PTPRM: variants seen among roughly 807,000 people sequenced by gnomAD.
The protein encoded by PTPRM is receptor-type tyrosine-protein phosphatase mu.
Under a neutral mutation model 186.7 loss-of-function variants are expected in PTPRM, and 47 were observed. The ratio of observed to expected loss-of-function variants is 0.25; its 90% confidence interval spans 0.20 to 0.32. The LOEUF (loss-of-function observed/expected upper bound fraction) is 0.32. Among genes scored for constraint, PTPRM ranks in the 10% least tolerant of loss-of-function variants. The probability of loss-of-function intolerance (pLI) is 1.00; values close to 1 mark genes in which losing one functional copy is unlikely to be tolerated. For synonymous variants in PTPRM, 668 were observed against 674.9 expected (o/e 0.99, Z 0.16); for missense variants, 1,494 against 1,865.0 (o/e 0.80, Z 3.66).
At chr18:7,940,316 A>G (rs2052087273) in intron 5 of PTPRM, among the ~76,000 whole-genome samples, 1 of 152,214 alleles carries the variant, frequency 6.6e-6, no homozygotes, top group Non-Finnish European at 1.5e-5. Context: ...CTTGTATTCT[A>G]GTAGGGGAGA....
At chr18:7,959,773 A>G (rs1465123325) in intron 7 of PTPRM, among the ~76,000 whole-genome samples, 1 of 152,210 alleles carries the variant, frequency 6.6e-6, no homozygotes, top group Admixed American at 6.5e-5. Context: ...TTATCTGTAA[A>G]GACATTTTTC....
At chr18:8,030,207 C>G (rs2085872586) in intron 7 of PTPRM, among the ~76,000 whole-genome samples, 1 of 152,224 alleles carries the variant, frequency 6.6e-6, no homozygotes, top group African/African-American at 2.4e-5. Flanking sequence ...AGATTACATT[C>G]ATGCCTACCA....
chr18:8,128,070 T>A (rs1023917028), intron 13 of PTPRM, among the ~76,000 whole-genome samples: 3 of 152,156 alleles, frequency 2.0e-5, no homozygotes, highest in African/African-American at 7.2e-5. Flanking sequence ...ATTTTCAGTG[T>A]CAGAAGCTTC....
At chr18:7,613,011 G>A (rs1014244935) in intron 1 of PTPRM, among the ~76,000 whole-genome samples, 8 of 152,082 alleles carry the variant, frequency 5.3e-5, no homozygotes, top group Non-Finnish European at 7.3e-5. Context: ...AACAGAAATC[G>A]CCCTCTTACC....
chr18:8,007,398 C>T (rs1568174056), intron 7 of PTPRM, among the ~76,000 whole-genome samples: 1 of 152,072 alleles, frequency 6.6e-6, no homozygotes, highest in Non-Finnish European at 1.5e-5. Context: ...TAAAGCAATC[C>T]AGAGGAGCCT....
chr18:7,591,427 C>T (rs895392170), intron 1 of PTPRM, among the ~76,000 whole-genome samples: 12 of 152,058 alleles, frequency 7.9e-5, no homozygotes, highest in Admixed American at 1.3e-4. Flanking sequence ...GTCTGGGCCA[C>T]TAATTGATAT....
chr18:8,207,718 G>T (rs2093950103), intron 14 of PTPRM, among the ~76,000 whole-genome samples: 2 of 152,252 alleles, frequency 1.3e-5, no homozygotes, highest in East Asian at 1.9e-4. Context: ...CAATGAAAAT[G>T]AATTATTTTT....
intron 13 of PTPRM, 128 bp downstream of exon 13, chr18:8,114,955 AT>A: frequency 1.5e-6 from 1 of 674,142 alleles, no homozygotes; most frequent in Non-Finnish European, 2.5e-6. Flanking sequence ...ATACATATAT[AT>A]ATATGCATGA....
chr18:7,736,401 C>T (rs577753572), intron 1 of PTPRM, among the ~76,000 whole-genome samples: 2 of 152,220 alleles, frequency 1.3e-5, no homozygotes, highest in South Asian at 4.1e-4. Flanking sequence ...CTCACTGCAA[C>T]CTCCGCCTTC....
chr18:7,765,935 T>C (rs1299716084), intron 1 of PTPRM, among the ~76,000 whole-genome samples: 1 of 152,226 alleles, frequency 6.6e-6, no homozygotes, highest in African/African-American at 2.4e-5. Context: ...TGCTAGTGTA[T>C]GTAAGTCAAT....
At chr18:7,781,873 T>C (rs2042872983) in intron 2 of PTPRM, among the ~76,000 whole-genome samples, 3 of 152,202 alleles carry the variant, frequency 2.0e-5, no homozygotes, top group Admixed American at 6.5e-5. Context: ...GTTACTCTCC[T>C]TCCTTGAATA....
chr18:8,282,629 T>C (rs1392454956), intron 19 of PTPRM, among the ~76,000 whole-genome samples: 1 of 152,106 alleles, frequency 6.6e-6, no homozygotes. Context: ...ACCATTGCAC[T>C]CCAGCCTGGG....
rs906786940 is a variant in PTPRM at position 7,576,520 on chromosome 18, G to T, written c.73+8629G>T. On this transcript the variant is annotated intron_variant, in intron 1 of 32. Coordinates refer to ENST00000580170, the MANE Select transcript of PTPRM (RefSeq NM_001105244.2). The stretch of plus-strand genomic sequence containing the variant: ...GTCTTGCTCTGTCATCCAGGCTGGA[G>T]TGCAGTGGCAGGATCACTGATCATG... Among the ~76,000 whole-genome samples the T allele has an allele frequency of 3.9e-5, 6 of 152,132 alleles. 1 individual carries two copies. In the East Asian group the frequency reaches 1.2e-3, roughly 29 times the overall value.
chr18:8,244,186 A>G lies in PTPRM; in HGVS notation c.2429A>G (p.Asp810Gly), dbSNP rs1209143571. 1.9e-6 allele frequency: 3 copies of G among 1,585,416 alleles called. No individual in the cohort carries two copies. The highest frequency in any genetic ancestry group is 2.6e-6 in the Non-Finnish European group (3 of 1,169,936). ...TNCDEAFSFM[D>G]THNLNGRSVS... ...TGCGACGAGGCTTTCTCATTCATGG[A>G]CACGCACAATCTGAATGGGAGATGT... The change falls in exon 15 of 33, where the codon GAC becomes GGC. Residue 810 changes from aspartate (D) to glycine (G), a missense_variant. Physicochemically the swap from Asp to Gly is moderately conservative, Grantham distance 94 (BLOSUM62 -1). Around this residue, in one of 3 missense-constraint regions of PTPRM, gnomAD observed 1,107 missense variants for 1,350.2 expected, o/e 0.82. Transcript: ENST00000580170.
chr18:7,932,852 G>A (rs1032296635), intron 5 of PTPRM, among the ~76,000 whole-genome samples: 1 of 152,164 alleles, frequency 6.6e-6, no homozygotes, highest in Non-Finnish European at 1.5e-5. Flanking sequence ...TGATGTTACT[G>A]TAAAGTACAG....
intron 14 of PTPRM, among the ~76,000 whole-genome samples, chr18:8,164,996 C>T (rs2146382469): frequency 6.6e-6 from 1 of 152,042 alleles, no homozygotes; most frequent in African/African-American, 2.4e-5. Context: ...AGTGGAAACC[C>T]CGTCTCCACT....
At position 8,143,019 on chromosome 18, in the gene PTPRM, G is replaced by T. The variant is rs189842889; in HGVS notation, c.2168-628G>T. Among the ~76,000 whole-genome samples, 318 of 152,306 alleles carry T rather than the reference G, an allele frequency of 2.1e-3. 1 individual carries two copies. The highest frequency in any genetic ancestry group is 3.3e-3 in the Non-Finnish European group (224 of 68,028). ...ATTTAAACAGATTTTAAATGTGGGT[G>T]CCAGTGGTGTGATCATCAGCCGCTT... On this transcript the variant is annotated intron_variant, in intron 13 of 32. Transcript: ENST00000580170.
chr18:7,818,366 T>C (rs184930948), intron 2 of PTPRM, among the ~76,000 whole-genome samples: 201 of 152,300 alleles, frequency 1.3e-3, no homozygotes, highest in African/African-American at 4.7e-3. Context: ...ACAAACAGTT[T>C]TGACTCCATC....
intron 1 of PTPRM, among the ~76,000 whole-genome samples, chr18:7,766,990 C>A (rs553275877): frequency 6.6e-6 from 1 of 152,250 alleles, no homozygotes; most frequent in South Asian, 2.1e-4. Context: ...AAAAGTCTTA[C>A]TGGTTGTGAG....
Sources: allele counts gnomAD v4.1 joint callset (sites outside exome capture counted in the v4.1 genomes callset), GRCh38; gene constraint gnomAD v4.1.1; regional missense constraint gnomAD v4.1.1; transcripts MANE v1.5; gene names NCBI Gene and HGNC (gene_info 2026-07-23, HGNC 2026-07-21).